EYA1: variants seen among roughly 807,000 people sequenced by gnomAD.
EYA1 encodes EYA transcriptional coactivator and phosphatase 1.
In EYA1, 16 loss-of-function variants were observed where a neutral mutation model predicts 82.0. The observed-to-expected ratio is 0.20, with a 90% CI of 0.13 to 0.30. The LOEUF (loss-of-function observed/expected upper bound fraction) is 0.30, where lower values mean the gene tolerates loss of function less well. Among genes scored for constraint, EYA1 ranks in the 10% least tolerant of loss-of-function variants. The pLI, the probability that EYA1 is intolerant of heterozygous loss-of-function variation, is 1.00. For synonymous variants in EYA1, 261 were observed against 264.4 expected (o/e 0.99, Z 0.12); for missense variants, 633 against 730.7 (o/e 0.87, Z 1.54).
chr8:71,282,188 C>T (rs553582285), intron 9 of EYA1, among the ~76,000 whole-genome samples: 1 of 152,156 alleles, frequency 6.6e-6, no homozygotes, highest in Non-Finnish European at 1.5e-5. Context: ...CCAACCCCTC[C>T]TTTTGGCATG....
chr8:71,317,465 A>T, intron 7 of EYA1, 87 bp downstream of exon 7: 1 of 1,387,482 alleles, frequency 7.2e-7, no homozygotes, highest in Non-Finnish European at 1.0e-6. Context: ...ATCATCATTT[A>T]CTATTTACAT....
At chr8:71,289,927 C>T (rs2128985290) in intron 9 of EYA1, among the ~76,000 whole-genome samples, 1 of 152,184 alleles carries the variant, frequency 6.6e-6, no homozygotes, top group South Asian at 2.1e-4. Context: ...AAAAGCTAAA[C>T]ATACTTGAAT....
intron 2 of EYA1, among the ~76,000 whole-genome samples, chr8:71,480,909 C>CT (rs2129211735): frequency 6.6e-6 from 1 of 152,144 alleles, no homozygotes; most frequent in Non-Finnish European, 1.5e-5. Context: ...GTGAAAATGG[C>CT]TTTTTTCCGT....
chr8:71,446,582 G>T (rs1201486372), intron 2 of EYA1, among the ~76,000 whole-genome samples: 1 of 152,170 alleles, frequency 6.6e-6, no homozygotes, highest in East Asian at 1.9e-4. Flanking sequence ...AGCATATGAT[G>T]ATAAAAATTT....
intron 11 of EYA1, among the ~76,000 whole-genome samples, chr8:71,265,976 G>C (rs917086775): frequency 2.0e-5 from 3 of 152,138 alleles, no homozygotes; most frequent in African/African-American, 7.2e-5. Context: ...TCTTCCCACA[G>C]CTAGGATTAC....
At chr8:71,401,946 A>C (rs1829980937) in intron 2 of EYA1, among the ~76,000 whole-genome samples, 1 of 152,334 alleles carries the variant, frequency 6.6e-6, no homozygotes, top group East Asian at 1.9e-4. Flanking sequence ...GAGTGGATTA[A>C]GGATGCCAGT....
At chr8:71,256,940 A>T (rs1247008344) in intron 11 of EYA1, among the ~76,000 whole-genome samples, 3 of 152,136 alleles carry the variant, frequency 2.0e-5, no homozygotes, top group Non-Finnish European at 4.4e-5. Flanking sequence ...CGGAGGTTGC[A>T]GTGAGCTGAG....
At chr8:71,317,716 A>G in intron 6 of EYA1, 27 bp from the exon 7 acceptor site, 5 of 1,612,636 alleles carry the variant, frequency 3.1e-6, no homozygotes, top group Non-Finnish European at 4.2e-6. Flanking sequence ...TAGCTTATCT[A>G]TCTGTCCATT....
intron 9 of EYA1, among the ~76,000 whole-genome samples, chr8:71,289,792 C>G (rs1489853116): frequency 6.6e-6 from 1 of 152,102 alleles, no homozygotes; most frequent in Admixed American, 6.6e-5. Flanking sequence ...AAATATTAGC[C>G]ACTGTTAAAT....
rs192369454 is a variant in EYA1 at position 71,513,000 on chromosome 8, C to T, written c.33+22744G>A. 1.3e-4 allele frequency among the ~76,000 whole-genome samples: 20 copies of T among 152,156 alleles called. No individual in the cohort carries two copies. In the East Asian group the frequency reaches 2.5e-3, roughly 19 times the overall value. ...AGATTAAGTTGATCTCATCATTCTC[C>T]GCAGTAGCATGCAATAACAGAAGGC... On this transcript the variant is annotated intron_variant, in intron 2 of 18. Coordinates refer to the EYA1 transcript ENST00000643681.
At chr8:71,447,103 T>TATATAA (rs1491008202) in intron 2 of EYA1, among the ~76,000 whole-genome samples, 2 of 140,384 alleles carry the variant, frequency 1.4e-5, no homozygotes, top group African/African-American at 5.4e-5. Context: ...TATATATATA[T>TATATAA]AAAATTAGTG....
intron 11 of EYA1, among the ~76,000 whole-genome samples, chr8:71,256,011 C>T (rs187000273): frequency 6.6e-6 from 1 of 152,092 alleles, no homozygotes; most frequent in Non-Finnish European, 1.5e-5. Flanking sequence ...GTTATTATCT[C>T]ACAGCCATTA....
chr8:71,312,575 T>C (rs1292301121), intron 7 of EYA1, among the ~76,000 whole-genome samples: 4 of 152,146 alleles, frequency 2.6e-5, no homozygotes, highest in Non-Finnish European at 5.9e-5. Context: ...GTAGCTGGGA[T>C]TACAGGCACG....
intron 3 of EYA1, among the ~76,000 whole-genome samples, chr8:71,354,205 TTAAG>T (rs1254212652): frequency 1.3e-5 from 2 of 152,120 alleles, no homozygotes; most frequent in Non-Finnish European, 2.9e-5. Context: ...ATACTAATCT[TTAAG>T]TAAATAAATA....
At chr8:71,211,912 T>C (rs1391227783) in intron 16 of EYA1, among the ~76,000 whole-genome samples, 1 of 152,196 alleles carries the variant, frequency 6.6e-6, no homozygotes, top group Non-Finnish European at 1.5e-5. Flanking sequence ...AGGCATCTAA[T>C]GTTCAATGAA....
At chr8:71,403,279 A>C (rs1165188159) in intron 2 of EYA1, among the ~76,000 whole-genome samples, 1 of 152,250 alleles carries the variant, frequency 6.6e-6, no homozygotes, top group Non-Finnish European at 1.5e-5. Context: ...AGAAGAAGAA[A>C]TCCAAATGGC....
intron 2 of EYA1, among the ~76,000 whole-genome samples, chr8:71,527,149 A>G (rs999294553): frequency 8.0e-6 from 1 of 125,202 alleles, no homozygotes; most frequent in Non-Finnish European, 1.6e-5. Context: ...AAGATTTGGG[A>G]AAAAAAGAGA....
intron 2 of EYA1, among the ~76,000 whole-genome samples, chr8:71,496,348 A>G (rs180911690): frequency 3.3e-5 from 5 of 152,316 alleles, no homozygotes; most frequent in African/African-American, 1.2e-4. Context: ...GCCCTATGCA[A>G]ATCATTGTAT....
At chr8:71,235,344 A>G (rs1236577090) in intron 12 of EYA1, among the ~76,000 whole-genome samples, 1 of 152,182 alleles carries the variant, frequency 6.6e-6, no homozygotes, top group Non-Finnish European at 1.5e-5. Flanking sequence ...GCTCTTCCCT[A>G]GTTACTCTGT....
Sources: allele counts gnomAD v4.1 joint callset (sites outside exome capture counted in the v4.1 genomes callset), GRCh38; gene constraint gnomAD v4.1.1; transcripts MANE v1.5; gene names NCBI Gene and HGNC (gene_info 2026-07-23, HGNC 2026-07-21).